The following SOX5 variants were observed in gnomAD, a reference collection of about 807,000 sequenced individuals.
The protein encoded by SOX5 is transcription factor SOX-5.
In SOX5, 9 loss-of-function variants were observed where a neutral mutation model predicts 92.0. That is an observed-to-expected ratio of 0.10 (90% CI 0.06 to 0.17). The LOEUF (loss-of-function observed/expected upper bound fraction) is 0.17. Among genes scored for constraint, SOX5 ranks in the 10% least tolerant of loss-of-function variants. The probability of loss-of-function intolerance (pLI) is 1.00; values close to 1 mark genes in which losing one functional copy is unlikely to be tolerated. For missense variants in SOX5, 642 were observed against 944.5 expected (o/e 0.68, Z 4.20); for synonymous variants, 344 against 336.3 (o/e 1.02, Z -0.25).
At chr12:24,163,169 A>T (rs1196461007) in intron 4 of SOX5, among the ~76,000 whole-genome samples, 1 of 152,114 alleles carries the variant, frequency 6.6e-6, no homozygotes, top group Non-Finnish European at 1.5e-5. Flanking sequence ...GAAGGAATAA[A>T]CTCAAATCAT....
chr12:24,359,054 T>A (rs1167209982), intron 2 of SOX5, among the ~76,000 whole-genome samples: 3 of 152,172 alleles, frequency 2.0e-5, no homozygotes, highest in Non-Finnish European at 4.4e-5. Context: ...CCCAGAAACA[T>A]TTCTACTCCA....
intron 10 of SOX5, 143 bp downstream of exon 10, chr12:23,575,518 A>T: frequency 1.5e-6 from 1 of 667,748 alleles, no homozygotes; most frequent in Non-Finnish European, 2.5e-6. Flanking sequence ...CATGTTTAAA[A>T]CGGACCTAGG....
intron 2 of SOX5, among the ~76,000 whole-genome samples, chr12:23,865,546 G>A (rs1364923206): frequency 1.3e-5 from 2 of 151,926 alleles, no homozygotes; most frequent in South Asian, 2.1e-4. Flanking sequence ...TTGGTGGCAC[G>A]TGCCTGTAGT....
chr12:24,003,828 G>A (rs1951867222), intron 4 of SOX5, among the ~76,000 whole-genome samples: 2 of 151,522 alleles, frequency 1.3e-5, no homozygotes, highest in Admixed American at 1.3e-4. Context: ...GAAAAGGAGA[G>A]AGAATGGCAA....
chr12:24,007,156 T>TAAAA lies in SOX5; in HGVS notation c.-1-111133_-1-111132insTTTT, dbSNP rs1555471174. 1.1e-4 allele frequency among the ~76,000 whole-genome samples: 5 copies of TAAAA among 47,168 alleles called. 1 individual carries two copies. The highest frequency in any genetic ancestry group is 1.5e-3 in the South Asian group (2 of 1,326). 30.9% of individuals were successfully genotyped at this position (47,168 alleles called of 152,430 possible). On this transcript the variant is annotated intron_variant, in intron 4 of 4. Coordinates refer to the SOX5 transcript ENST00000446891. ...TCAAAAAAAAATATATATATATATA[T>TAAAA]ATATACATTTATATATGTATTTATA...
In SOX5 at chr12:23,783,508, A is replaced by T. The variant is rs1004301108; in HGVS notation, c.482-27784T>A. Among the ~76,000 whole-genome samples, 5 of 152,184 alleles carry T rather than the reference A, an allele frequency of 3.3e-5. No individual in the cohort carries two copies. The South Asian group carries it at 6.2e-4, about 19-fold the overall frequency. On this transcript the variant is annotated intron_variant, in intron 3 of 14. Transcript: ENST00000451604. ...TAGTAAATTTGACCATGTGCTGAGG[A>T]ATTAAGTTGAAATAGAGAATCAAGT...
intron 6 of SOX5, among the ~76,000 whole-genome samples, chr12:23,723,384 G>A (rs2092927874): frequency 6.6e-6 from 1 of 151,882 alleles, no homozygotes; most frequent in Non-Finnish European, 1.5e-5. Context: ...GTTAGCCAGA[G>A]AAAGGAACTA....
chr12:24,098,687 T>G (rs1241522907), intron 4 of SOX5, among the ~76,000 whole-genome samples: 1 of 152,164 alleles, frequency 6.6e-6, no homozygotes, highest in East Asian at 1.9e-4. Context: ...TGTGTATAGT[T>G]TCTTTGCCTT....
At chr12:24,146,830 AATAAG>A (rs1951140208) in intron 4 of SOX5, among the ~76,000 whole-genome samples, 1 of 151,998 alleles carries the variant, frequency 6.6e-6, no homozygotes, top group Non-Finnish European at 1.5e-5. Context: ...TTAAAATTTT[AATAAG>A]ATAATATTAT....
intron 3 of SOX5, among the ~76,000 whole-genome samples, chr12:23,772,296 A>ATCT (rs1164403649): frequency 6.6e-6 from 1 of 152,144 alleles, no homozygotes; most frequent in Non-Finnish European, 1.5e-5. Flanking sequence ...CACATAACTT[A>ATCT]TCTTCTCCAC....
In SOX5 at chr12:23,828,484, G is replaced by C. The variant is rs150345646; in HGVS notation, c.481+17499C>G. 3.0e-4 allele frequency among the ~76,000 whole-genome samples: 46 copies of C among 152,278 alleles called. 1 individual carries two copies. In the East Asian group the frequency reaches 8.5e-3, roughly 28 times the overall value. On this transcript the variant is annotated intron_variant, in intron 3 of 14. Transcript: ENST00000451604. ...CACAAACTCAGAGGTCAGTGTTTTA[G>C]AATTTACCTTATTTATGACATTTAA...
At chr12:23,992,283 C>G (rs1366153314) in intron 4 of SOX5, among the ~76,000 whole-genome samples, 1 of 152,038 alleles carries the variant, frequency 6.6e-6, no homozygotes, top group African/African-American at 2.4e-5. Flanking sequence ...TCCTTATTTT[C>G]CTCAGGTAGA....
At chr12:24,114,573 C>CAAAAAAAAAAAAAAAAAAAAA (rs55913110) in intron 4 of SOX5, among the ~76,000 whole-genome samples, 5 of 40,592 alleles carry the variant, frequency 1.2e-4, no homozygotes, top group African/African-American at 2.8e-4. Flanking sequence ...CACCCCGTCA[C>CAAAAAAAAAAAAAAAAAAAAA]AAAAAAAAAA....
rs1955198856 is a variant in SOX5, at chr12:24,029,056, TAAG to T, written c.-1-133035_-1-133033del. ...CATATTTTATTTTTCTGATTAATAA[TAAG>T]GACTAAATATACTCATATACAGGAG... On this transcript the variant is annotated intron_variant, in intron 4 of 4. Coordinates refer to the SOX5 transcript ENST00000446891. Among the ~76,000 whole-genome samples the T allele has an allele frequency of 2.0e-5, 3 of 152,106 alleles. No individual in the cohort carries two copies. In the South Asian group the frequency reaches 6.2e-4, roughly 32 times the overall value.
At chr12:23,594,092 T>C (rs1036038358) in intron 9 of SOX5, among the ~76,000 whole-genome samples, 1 of 152,192 alleles carries the variant, frequency 6.6e-6, no homozygotes, top group African/African-American at 2.4e-5. Flanking sequence ...CAAAATATCA[T>C]CTAAAAAGTT....
intron 4 of SOX5, among the ~76,000 whole-genome samples, chr12:24,123,892 T>C (rs1781603501): frequency 6.6e-6 from 1 of 152,190 alleles, no homozygotes; most frequent in African/African-American, 2.4e-5. Flanking sequence ...CCCAGCTTGG[T>C]AGGCGATCCC....
chr12:24,067,048 G>T (rs1050410151), intron 4 of SOX5, among the ~76,000 whole-genome samples: 1 of 152,068 alleles, frequency 6.6e-6, no homozygotes, highest in Non-Finnish European at 1.5e-5. Flanking sequence ...TTTGTCTAAA[G>T]GTGGCCTGGC....
chr12:24,444,764 A>T (rs141456794), intron 1 of SOX5, among the ~76,000 whole-genome samples: 1 of 152,328 alleles, frequency 6.6e-6, no homozygotes, highest in East Asian at 1.9e-4. Flanking sequence ...TCTCAGTTCA[A>T]GACAGCTTGG....
chr12:23,631,165 C>A (rs1463897917), intron 8 of SOX5, among the ~76,000 whole-genome samples: 2 of 152,000 alleles, frequency 1.3e-5, no homozygotes, highest in Non-Finnish European at 2.9e-5. Context: ...ACAAAAACCC[C>A]AGCATTTGTT....
Sources: gnomAD v4.1 joint callset for allele counts (sites outside exome capture counted in the v4.1 genomes callset) on GRCh38, gnomAD v4.1.1 for gene constraint, MANE v1.5 for transcripts, NCBI Gene and HGNC (gene_info 2026-07-23, HGNC 2026-07-21) for gene names.